ZNF609: variants seen among roughly 807,000 people sequenced by gnomAD.
ZNF609 encodes zinc finger protein 609.
In ZNF609, 11 loss-of-function variants were observed where a neutral mutation model predicts 109.5. The observed-to-expected ratio is 0.10, with a 90% CI of 0.06 to 0.17. The LOEUF (loss-of-function observed/expected upper bound fraction) is 0.17. Among genes scored for constraint, ZNF609 ranks in the 10% least tolerant of loss-of-function variants. The pLI is 1.00. For missense variants in ZNF609, 1,559 were observed against 1,772.4 expected (o/e 0.88, Z 2.16); for synonymous variants, 646 against 662.0 (o/e 0.98, Z 0.37).
chr15:64,572,334 A>G (rs1490577231), intron 2 of ZNF609, among the ~76,000 whole-genome samples: 1 of 152,152 alleles, frequency 6.6e-6, no homozygotes, highest in Non-Finnish European at 1.5e-5. Flanking sequence ...CATTCTTTAC[A>G]AAAAATAAAT....
At chr15:64,647,848 G>A (rs1285077411) in intron 3 of ZNF609, among the ~76,000 whole-genome samples, 3 of 152,152 alleles carry the variant, frequency 2.0e-5, no homozygotes, top group South Asian at 4.1e-4. Context: ...TGGACTTTTC[G>A]GTTTTTGTCC....
At position 64,674,660 on chromosome 15, in the gene ZNF609, G is replaced by A. The variant is rs368987879; in HGVS notation, c.1806G>A (p.Gly602=). Residue 602 remains glycine, a synonymous_variant, in exon 5 of 10, where the codon GGG becomes GGA. Transcript: ENST00000326648. ...KLSGEGDTDL[G]ALSNDGSDDG... The stretch of plus-strand genomic sequence containing the variant: ...GTGGGGAAGGGGACACAGACCTTGG[G>A]GCCTTATCCAATGATGGCTCTGATG... The A allele has an allele frequency of 5.6e-6, 9 of 1,614,098 alleles. No individual in the cohort carries two copies. Among genetic ancestry groups the A allele is most frequent in the Non-Finnish European group, 7.6e-6 (9 of 1,180,020 alleles).
At chr15:64,530,069 C>T (rs937582644) in intron 2 of ZNF609, among the ~76,000 whole-genome samples, 1 of 151,804 alleles carries the variant, frequency 6.6e-6, no homozygotes, top group Non-Finnish European at 1.5e-5. Flanking sequence ...GTCTGGAGTG[C>T]AGTGGTGTGA....
At chr15:64,485,245 T>G (rs1893316284) in intron 1 of ZNF609, among the ~76,000 whole-genome samples, 1 of 152,082 alleles carries the variant, frequency 6.6e-6, no homozygotes, top group East Asian at 1.9e-4. Flanking sequence ...AAATTCAGCT[T>G]TTAAAGACAA....
chr15:64,595,262 G>A (rs192542010), intron 2 of ZNF609, among the ~76,000 whole-genome samples: 111 of 151,552 alleles, frequency 7.3e-4, no homozygotes, highest in African/African-American at 2.5e-3. Context: ...TTGGGAGGCT[G>A]AGGCAGGAGA....
intron 3 of ZNF609, among the ~76,000 whole-genome samples, chr15:64,657,353 C>G (rs1368046629): frequency 6.6e-6 from 1 of 151,994 alleles, no homozygotes; most frequent in Non-Finnish European, 1.5e-5. Context: ...TGGTGGCTCA[C>G]ACCTGTAATC....
intron 2 of ZNF609, chr15:64,528,920 G>A: frequency 8.4e-7 from 1 of 1,185,792 alleles, no homozygotes; most frequent in East Asian, 2.4e-5. Context: ...ATATTGGCAG[G>A]TTTTTCCAGA....
At chr15:64,586,893 TAC>T (rs1329601236) in intron 2 of ZNF609, among the ~76,000 whole-genome samples, 2 of 152,252 alleles carry the variant, frequency 1.3e-5, no homozygotes, top group Admixed American at 1.3e-4. Context: ...ATATGTTTCA[TAC>T]AGAGAGACAG....
At chr15:64,593,057 G>A (rs1053958999) in intron 2 of ZNF609, 2 of 1,590,446 alleles carry the variant, frequency 1.3e-6, no homozygotes, top group Non-Finnish European at 1.7e-6. Context: ...CACTAACTGT[G>A]CCCGATGCGT....
At chr15:64,528,654 TG>T in intron 2 of ZNF609, 3 of 1,072,740 alleles carry the variant, frequency 2.8e-6, no homozygotes, top group South Asian at 2.6e-5. Context: ...GCTGGGCTGG[TG>T]GTCCAGGGGT....
chr15:64,598,758 A>G (rs1315817731), intron 2 of ZNF609, among the ~76,000 whole-genome samples: 36 of 122,836 alleles, frequency 2.9e-4, no homozygotes, highest in Middle Eastern at 4.3e-3. Context: ...ATATATATAT[A>G]TATATATATA....
At chr15:64,588,442 A>AAAAAAAAAAAAAAAAAAAAAGAAG (rs71133451) in intron 2 of ZNF609, among the ~76,000 whole-genome samples, 6 of 75,272 alleles carry the variant, frequency 8.0e-5, no homozygotes, top group African/African-American at 3.1e-4. Flanking sequence ...AAAAAAAAAA[A>AAAAAAAAAAAAAAAAAAAAAGAAG]AAGAAGAGGA....
rs114712981 is a variant in ZNF609, at chr15:64,592,852, G to T, written c.748-29975G>T. 3.2e-3 allele frequency: 1,784 copies of T among 556,732 alleles called. 35 individuals carry two copies. The highest frequency in any genetic ancestry group is 0.031 in the African/African-American group (1,620 of 52,588). The allele number at this position is 556,732 out of a possible 1,614,324, so 34.5% of individuals were successfully genotyped here. On this transcript the variant is annotated intron_variant, in intron 2 of 9. Coordinates refer to ENST00000326648, the MANE Select transcript of ZNF609 (RefSeq NM_015042.2). ...TGCTTGAATCTAGGAGGCAAAAGTT[G>T]CAGTGAGCTGGGATCGCGCCACTGC...
At position 64,680,670 on chromosome 15, in the gene ZNF609, A is replaced by G; in HGVS notation, c.3970A>G (p.Arg1324Gly). ...PTISDKTSQE[R>G]DRGGCGVVGG... ...GATAAGTGATAAAACTTCTCAGGAG[A>G]GAGATCGAGGAGGCTGTGGGGTGGT... Residue 1324 changes from arginine to glycine, a missense_variant, in exon 8 of 10, where the codon AGA becomes GGA. Physicochemically the swap from Arg to Gly is moderately radical, Grantham distance 125 (BLOSUM62 -2). Around this residue, in one of 4 missense-constraint regions of ZNF609, gnomAD observed 1,204 missense variants for 1,314.1 expected, o/e 0.92. Transcript: ENST00000326648. The G allele has an allele frequency of 6.2e-7, 1 of 1,602,586 alleles. No individual in the cohort carries two copies. Among genetic ancestry groups the G allele is most frequent in the Non-Finnish European group, 8.5e-7 (1 of 1,174,346 alleles).
At chr15:64,634,999 G>A (rs1229123644) in intron 3 of ZNF609, among the ~76,000 whole-genome samples, 1 of 152,098 alleles carries the variant, frequency 6.6e-6, no homozygotes, top group Non-Finnish European at 1.5e-5. Context: ...TATGTCCACT[G>A]TCATACATTT....
intron 2 of ZNF609, among the ~76,000 whole-genome samples, chr15:64,578,092 C>T (rs1003991869): frequency 4.7e-5 from 7 of 148,500 alleles, no homozygotes; most frequent in Non-Finnish European, 8.9e-5. Context: ...GGGAAAAAAA[C>T]ATAAAGGAAA....
chr15:64,510,671 A>AT (rs1449527522), intron 2 of ZNF609, among the ~76,000 whole-genome samples: 13 of 152,190 alleles, frequency 8.5e-5, no homozygotes, highest in Admixed American at 7.9e-4. Flanking sequence ...TGTGCTTAAA[A>AT]GGAGGCTACT....
At chr15:64,523,294 C>CT (rs1396396072) in intron 2 of ZNF609, among the ~76,000 whole-genome samples, 1 of 152,096 alleles carries the variant, frequency 6.6e-6, no homozygotes, top group African/African-American at 2.4e-5. Context: ...TATGGACTCC[C>CT]TTGCATAACT....
intron 2 of ZNF609, among the ~76,000 whole-genome samples, chr15:64,518,265 G>A (rs1893843273): frequency 6.6e-6 from 1 of 152,222 alleles, no homozygotes; most frequent in Non-Finnish European, 1.5e-5. Flanking sequence ...GTTAAACAGA[G>A]ACCCAAAGGG....
Sources: gnomAD v4.1 joint callset for allele counts (sites outside exome capture counted in the v4.1 genomes callset) on GRCh38, gnomAD v4.1.1 for gene constraint, gnomAD v4.1.1 regional missense constraint, MANE v1.5 for transcripts, NCBI Gene and HGNC (gene_info 2026-07-23, HGNC 2026-07-21) for gene names.